Variants in S100Z observed in about 807,000 individuals in gnomAD.
S100Z encodes S100 calcium binding protein Z, also known as protein S100-Z.
Under a neutral mutation model 8.5 loss-of-function variants are expected in S100Z, and 11 were observed. The observed-to-expected ratio is 1.30, with a 90% confidence interval of 0.82 to 2.15. The LOEUF (loss-of-function observed/expected upper bound fraction) is 2.15, where lower values mean the gene tolerates loss of function less well. Ranked by LOEUF, S100Z falls within the 30% of genes most tolerant of loss-of-function variation. S100Z has a pLI of 0.00. For synonymous variants in S100Z, 34 were observed against 43.8 expected (o/e 0.78, Z 0.89); for missense variants, 126 against 117.9 (o/e 1.07, Z -0.32).
rs1162603193 is a variant in S100Z at position 76,921,294 on chromosome 5, A to G, written c.*580A>G. The G allele has an allele frequency of 6.6e-6, 1 of 152,232 alleles. No homozygotes were observed. 9.4% of individuals were successfully genotyped at this position (152,232 alleles called of 1,614,324 possible). ...TATATTTACTCCAATTCCCTATTGC[A>G]TATAGATTATTTCTAATTTTTCTAT... On this transcript the variant is annotated 3_prime_UTR_variant, in exon 5 of 5. Transcript: ENST00000317593.
intron 4 of S100Z, among the ~76,000 whole-genome samples, chr5:76,883,679 G>A (rs926547577): frequency 6.6e-6 from 1 of 152,194 alleles, no homozygotes; most frequent in East Asian, 1.9e-4. Context: ...CTGGGAATGA[G>A]TCAGTCAGAG....
At chr5:76,857,552 T>C (rs993776626) in intron 1 of S100Z, among the ~76,000 whole-genome samples, 2 of 143,026 alleles carry the variant, frequency 1.4e-5, no homozygotes, top group African/African-American at 5.3e-5. Context: ...CAGACTGGGG[T>C]GCAGTGATGA....
At chr5:76,941,313 T>C in the S100Z span, among the ~76,000 whole-genome samples, 1 of 152,298 alleles carries the variant, frequency 6.6e-6, no homozygotes, top group African/African-American at 2.4e-5. Context: ...CCACATGCCC[T>C]GGGAGGGACC....
chr5:76,865,212 G>A (rs1299390265), intron 1 of S100Z, among the ~76,000 whole-genome samples: 4 of 151,014 alleles, frequency 2.6e-5, no homozygotes, highest in African/African-American at 9.7e-5. Context: ...TGTAGGCCTA[G>A]GCTAATGTGT....
At chr5:76,900,042 C>T (rs1311146275) in intron 4 of S100Z, among the ~76,000 whole-genome samples, 1 of 152,200 alleles carries the variant, frequency 6.6e-6, no homozygotes, top group Non-Finnish European at 1.5e-5. Context: ...TCCTTCAGCA[C>T]TTTAAATATG....
the S100Z span, among the ~76,000 whole-genome samples, chr5:76,939,105 T>C: frequency 1.3e-5 from 2 of 152,104 alleles, no homozygotes; most frequent in Non-Finnish European, 2.9e-5. Context: ...GCTCTTCCAA[T>C]GTCTAAGATG....
At chr5:76,943,017 TTTA>T in the S100Z span, among the ~76,000 whole-genome samples, 1 of 152,224 alleles carries the variant, frequency 6.6e-6, no homozygotes, top group Non-Finnish European at 1.5e-5. Context: ...GGTTCTTTTT[TTTA>T]TTATTATACT....
intron 4 of S100Z, among the ~76,000 whole-genome samples, chr5:76,906,704 C>T (rs972798779): frequency 1.3e-4 from 20 of 151,598 alleles, no homozygotes; most frequent in Middle Eastern, 3.4e-3. Context: ...GCGATCTCAG[C>T]TCAGTGCAAC....
At chr5:76,927,064 A>G in the S100Z span, among the ~76,000 whole-genome samples, 2 of 152,186 alleles carry the variant, frequency 1.3e-5, no homozygotes, top group Non-Finnish European at 2.9e-5. Flanking sequence ...TGTTCCTGCT[A>G]CTTCCTTCTT....
rs1751043666 is a variant in S100Z at position 76,861,156 on chromosome 5, C to T, written c.-175-9010C>T. ...GTGTTGCAGTCAGCTGAAGGCTTGA[C>T]CCTGGCTGAGGATCCACTCCTAAGG... On this transcript the variant is annotated intron_variant, in intron 1 of 4. Coordinates refer to ENST00000317593, the MANE Select transcript of S100Z (RefSeq NM_130772.4). 5.3e-5 allele frequency among the ~76,000 whole-genome samples: 8 copies of T among 152,270 alleles called. 1 individual carries two copies. In the South Asian group the frequency reaches 1.7e-3, roughly 32 times the overall value.
rs1262070035 is a variant in S100Z, at chr5:76,921,003, A to G, written c.*289A>G. ...GAAATCCACAACTTCCACAAAAAAG[A>G]AAAATCTTTTACCATTTCTCATTAA... is the stretch of plus-strand genomic sequence containing the variant. On this transcript the variant is annotated 3_prime_UTR_variant, in exon 5 of 5. Transcript: ENST00000317593. 6.6e-6 allele frequency: 1 copy of G among 152,244 alleles called. No individual in the cohort carries two copies. The highest frequency in any genetic ancestry group is 2.4e-5 in the African/African-American group (1 of 41,472). The allele number at this position is 152,244 out of a possible 1,614,324, so 9.4% of individuals were successfully genotyped here. A position where few individuals can be genotyped will look rare whatever the true frequency, so the allele number is the denominator to read the frequency against.
intron 4 of S100Z, among the ~76,000 whole-genome samples, chr5:76,891,622 A>G (rs1369216635): frequency 3.3e-5 from 5 of 152,048 alleles, no homozygotes; most frequent in Non-Finnish European, 7.4e-5. Flanking sequence ...GATGGTCTAG[A>G]CTCTAGGATG....
intron 1 of S100Z, among the ~76,000 whole-genome samples, chr5:76,854,062 C>T (rs1032812675): frequency 6.6e-6 from 1 of 152,182 alleles, no homozygotes; most frequent in Non-Finnish European, 1.5e-5. Context: ...CCCCAGAAGC[C>T]AAGCAGATGC....
At chr5:76,855,423 C>T (rs1750855328) in intron 1 of S100Z, among the ~76,000 whole-genome samples, 1 of 152,206 alleles carries the variant, frequency 6.6e-6, no homozygotes, top group South Asian at 2.1e-4. Flanking sequence ...TGCCCAAGGC[C>T]TTCGGAGTCC....
chr5:76,884,716 C>G (rs976604179), intron 4 of S100Z, among the ~76,000 whole-genome samples: 4 of 152,090 alleles, frequency 2.6e-5, no homozygotes, highest in Non-Finnish European at 4.4e-5. Context: ...AACTGTAAAC[C>G]AGACTGGGTG....
the S100Z span, among the ~76,000 whole-genome samples, chr5:76,947,550 A>T: frequency 2.6e-5 from 4 of 152,252 alleles, no homozygotes; most frequent in Non-Finnish European, 2.9e-5. Flanking sequence ...AAAGACCTCA[A>T]GTAGCCAAAA....
At chr5:76,925,252 T>A (rs1437232165), downstream of S100Z, among the ~76,000 whole-genome samples, 3 of 152,170 alleles carry the variant, frequency 2.0e-5, no homozygotes, top group African/African-American at 4.8e-5. Context: ...ACACGTTCTA[T>A]TGGTCGTACA....
intron 4 of S100Z, among the ~76,000 whole-genome samples, chr5:76,891,998 A>G (rs1561239931): frequency 6.6e-6 from 1 of 152,158 alleles, no homozygotes; most frequent in African/African-American, 2.4e-5. Flanking sequence ...AGTTTTTCCA[A>G]CCTAGTCCGA....
chr5:76,850,513 T>C (rs1750696884), intron 1 of S100Z, among the ~76,000 whole-genome samples: 1 of 152,224 alleles, frequency 6.6e-6, no homozygotes, highest in Non-Finnish European at 1.5e-5. Flanking sequence ...TTTCATGTTC[T>C]TGTCCAGGCC....
Sources: allele counts gnomAD v4.1 joint callset (sites outside exome capture counted in the v4.1 genomes callset), GRCh38; gene constraint gnomAD v4.1.1; transcripts MANE v1.5; gene names NCBI Gene and HGNC (gene_info 2026-07-23, HGNC 2026-07-21).